The following ATP10B variants were observed in gnomAD, a reference collection of about 807,000 sequenced individuals.
ATP10B encodes the protein ATPase phospholipid transporting 10B (putative).
In ATP10B, 122 loss-of-function variants were observed where a neutral mutation model predicts 141.2. That is an observed-to-expected ratio of 0.86 (90% confidence interval 0.75 to 1.00). ATP10B has a LOEUF of 1.00. Ranked by LOEUF, ATP10B falls within the 50% of genes least tolerant of loss-of-function variation. ATP10B has a pLI of 0.00. For missense variants in ATP10B, 1,876 were observed against 1,825.3 expected, an observed-to-expected ratio of 1.03 and a Z score of -0.51; for synonymous variants, 685 against 692.0, an observed-to-expected ratio of 0.99 and a Z score of 0.16.
intron 3 of ATP10B, chr5:160,692,955 T>C (rs1764155102): frequency 6.6e-6 from 1 of 152,200 alleles, no homozygotes; most frequent in African/African-American, 2.4e-5. Context: ...GGCTATAGTA[T>C]CACAAATATT....
chr5:160,581,694 T>C (rs1048430950), intron 24 of ATP10B, among the ~76,000 whole-genome samples: 7 of 152,254 alleles, frequency 4.6e-5, no homozygotes, highest in African/African-American at 1.7e-4. Flanking sequence ...GTTCAAGTCC[T>C]GAATATCCTT....
intron 13 of ATP10B, among the ~76,000 whole-genome samples, chr5:160,627,051 G>C (rs569373034): frequency 6.6e-6 from 1 of 151,910 alleles, no homozygotes; most frequent in Admixed American, 6.6e-5. Context: ...CAGCTACTCC[G>C]AAGAACTACA....
chr5:160,568,012 C>T (rs986610769), intron 25 of ATP10B, among the ~76,000 whole-genome samples: 5 of 152,084 alleles, frequency 3.3e-5, no homozygotes, highest in African/African-American at 7.2e-5. Flanking sequence ...CATGAGTTAG[C>T]AGGTGATGTC....
At chr5:160,844,751 G>A (rs1431664780) in intron 1 of ATP10B, among the ~76,000 whole-genome samples, 2 of 151,876 alleles carry the variant, frequency 1.3e-5, no homozygotes, top group Non-Finnish European at 1.5e-5. Flanking sequence ...TTGCTACTTG[G>A]CCAGGCTGGT....
chr5:160,678,696 G>A (rs943415559), intron 6 of ATP10B, among the ~76,000 whole-genome samples: 5 of 152,172 alleles, frequency 3.3e-5, no homozygotes, highest in African/African-American at 1.2e-4. Flanking sequence ...TTATGGTGCA[G>A]GCACTGAGCT....
chr5:160,868,647 G>A, the ATP10B span, among the ~76,000 whole-genome samples: 2 of 151,168 alleles, frequency 1.3e-5, no homozygotes, highest in African/African-American at 2.4e-5. Context: ...TCTCTTTCCT[G>A]GACAAATCAA....
Position 160,615,835 on chromosome 5 carries a change from T to A in ATP10B, c.2653+3A>T, listed in dbSNP as rs1757965070. ...CCTATAATAATGACTTATTTTTAGC[T>A]ACCAAGTAAGGTGAGTTGATTCTCC... On this transcript the variant is annotated splice_donor_region_variant and intron_variant, in intron 17 of 25. Coordinates refer to ENST00000327245, the MANE Select transcript of ATP10B (RefSeq NM_025153.3). 2 of 1,608,802 alleles carry A rather than the reference T, an allele frequency of 1.2e-6. No homozygotes were observed. Among genetic ancestry groups the A allele is most frequent in the South Asian group, 2.2e-5 (2 of 90,750 alleles).
chr5:160,869,892 G>A, the ATP10B span, among the ~76,000 whole-genome samples: 1 of 152,146 alleles, frequency 6.6e-6, no homozygotes, highest in Admixed American at 6.5e-5. Context: ...GCCTGGCCAG[G>A]TGCTCACAGT....
intron 2 of ATP10B, among the ~76,000 whole-genome samples, chr5:160,779,553 A>T (rs1475534352): frequency 6.6e-6 from 1 of 152,182 alleles, no homozygotes; most frequent in Non-Finnish European, 1.5e-5. Flanking sequence ...GGAGGAACTG[A>T]GTGTGACTAA....
At position 160,844,552 on chromosome 5, in the gene ATP10B, T is replaced by G. The variant is rs112026616; in HGVS notation, c.-576+7389A>C. 9.9e-3 allele frequency among the ~76,000 whole-genome samples: 1,487 copies of G among 149,584 alleles called. 20 individuals carry two copies. Among genetic ancestry groups the G allele is most frequent in the African/African-American group, 0.034 (1,372 of 40,582 alleles). On this transcript the variant is annotated intron_variant, in intron 1 of 25. Transcript: ENST00000327245. ...CCCAATAACTTAATAAATACTTTGTTTTTTTTTTTTTGAGAAACAGTGTTG... is the reference window on the plus strand; with the variant it reads ...CCCAATAACTTAATAAATACTTTGTGTTTTTTTTTTTGAGAAACAGTGTTG...
At chr5:160,895,795 G>A in the ATP10B span, among the ~76,000 whole-genome samples, 1 of 152,108 alleles carries the variant, frequency 6.6e-6, no homozygotes, top group Non-Finnish European at 1.5e-5. Flanking sequence ...CACATAATTG[G>A]AAGTAAAACA....
intron 1 of ATP10B, among the ~76,000 whole-genome samples, chr5:160,815,402 A>C (rs921901315): frequency 1.3e-5 from 2 of 152,234 alleles, no homozygotes; most frequent in African/African-American, 4.8e-5. Context: ...AGCCCATTAC[A>C]TAATGGTAAA....
chr5:160,851,536 G>C (rs1211531996), intron 1 of ATP10B, among the ~76,000 whole-genome samples: 6 of 152,132 alleles, frequency 3.9e-5, no homozygotes, highest in Non-Finnish European at 7.3e-5. Flanking sequence ...AAATTGGGAA[G>C]CCATGTAATG....
At chr5:160,599,076 A>C (rs1464485242) in intron 21 of ATP10B, 106 bp from the exon 22 acceptor site, 1 of 930,902 alleles carries the variant, frequency 1.1e-6, no homozygotes. Context: ...TGCCTCATTT[A>C]TAACACACAG....
intron 2 of ATP10B, among the ~76,000 whole-genome samples, chr5:160,748,024 GGGTTGTGGC>G (rs1466969708): frequency 1.2e-4 from 18 of 150,896 alleles, no homozygotes; most frequent in Admixed American, 6.6e-5. Flanking sequence ...AAAGCGGCCG[GGGTTGTGGC>G]GGGGAGCGCA....
chr5:160,837,351 T>C (rs1271542178), intron 1 of ATP10B, among the ~76,000 whole-genome samples: 1 of 152,196 alleles, frequency 6.6e-6, no homozygotes, highest in African/African-American at 2.4e-5. Flanking sequence ...GGTCAAGGGA[T>C]ATATTTAATT....
At chr5:160,874,890 G>A in the ATP10B span, among the ~76,000 whole-genome samples, 1 of 145,608 alleles carries the variant, frequency 6.9e-6, no homozygotes, top group Non-Finnish European at 1.5e-5. Context: ...TATGTGAAAA[G>A]ACCAAATCTA....
At chr5:160,629,670 G>C (rs1008379517) in intron 13 of ATP10B, among the ~76,000 whole-genome samples, 5 of 152,166 alleles carry the variant, frequency 3.3e-5, no homozygotes, top group Non-Finnish European at 1.5e-5. Flanking sequence ...TATCTGTCTA[G>C]AACACACAAT....
At chr5:160,870,593 G>A in the ATP10B span, among the ~76,000 whole-genome samples, 5 of 151,956 alleles carry the variant, frequency 3.3e-5, no homozygotes, top group South Asian at 2.1e-4. Flanking sequence ...TAAAAAAGAC[G>A]TAACATACAA....
Sources: allele counts gnomAD v4.1 joint callset (sites outside exome capture counted in the v4.1 genomes callset), GRCh38; gene constraint gnomAD v4.1.1; transcripts MANE v1.5; gene names NCBI Gene and HGNC (gene_info 2026-07-23, HGNC 2026-07-21).